NBAS: variants seen among roughly 807,000 people sequenced by gnomAD.
NBAS encodes the protein NAG/BC035112 fusion.
A neutral mutation model predicts 302.5 loss-of-function variants in NBAS; 219 were observed. The observed-to-expected ratio is 0.72, with a 90% CI of 0.65 to 0.81. The LOEUF (loss-of-function observed/expected upper bound fraction) is 0.81. Ranked by LOEUF, NBAS falls within the 30% of genes least tolerant of loss-of-function variation. The pLI is 0.00. For synonymous variants in NBAS, 1,118 were observed against 1,021.6 expected (o/e 1.09, Z -1.80); for missense variants, 2,932 against 2,841.6 (o/e 1.03, Z -0.72).
At chr2:14,986,416 C>T in the NBAS span, among the ~76,000 whole-genome samples, 1 of 152,068 alleles carries the variant, frequency 6.6e-6, no homozygotes, top group Non-Finnish European at 1.5e-5. Flanking sequence ...ACACTGAACC[C>T]TTCTCCCCTA....
At chr2:15,387,659 T>C (rs1423793850) in intron 28 of NBAS, among the ~76,000 whole-genome samples, 1 of 151,482 alleles carries the variant, frequency 6.6e-6, no homozygotes, top group Admixed American at 6.6e-5. Flanking sequence ...TAAGACAGTG[T>C]CTTACTCTGT....
chr2:15,528,922 C>CTGTGT, intron 9 of NBAS, among the ~76,000 whole-genome samples: 1 of 69,472 alleles, frequency 1.4e-5, no homozygotes, highest in Admixed American at 1.5e-4. Context: ...TATACACACA[C>CTGTGT]ACATATATAT....
the NBAS span, among the ~76,000 whole-genome samples, chr2:14,950,669 G>T: frequency 6.6e-6 from 1 of 152,188 alleles, no homozygotes; most frequent in Non-Finnish European, 1.5e-5. Flanking sequence ...CAAGATGATG[G>T]TAAGTAGAAG....
intron 44 of NBAS, among the ~76,000 whole-genome samples, chr2:15,261,833 AT>A (rs567179310): frequency 1.1e-4 from 16 of 152,350 alleles, no homozygotes; most frequent in African/African-American, 3.8e-4. Flanking sequence ...CACATTTTCC[AT>A]TTAGAAATCT....
At chr2:15,319,489 A>G (rs1671689369) in intron 38 of NBAS, among the ~76,000 whole-genome samples, 1 of 152,206 alleles carries the variant, frequency 6.6e-6, no homozygotes, top group Non-Finnish European at 1.5e-5. Flanking sequence ...AACAAAATTG[A>G]TAAACCACTA....
chr2:15,079,667 T>G, the NBAS span, among the ~76,000 whole-genome samples: 1 of 152,212 alleles, frequency 6.6e-6, no homozygotes, highest in African/African-American at 2.4e-5. Context: ...TTATCTGATC[T>G]GTCCAACCCA....
At chr2:15,541,098 A>C (rs2148692478) in intron 6 of NBAS, among the ~76,000 whole-genome samples, 1 of 152,248 alleles carries the variant, frequency 6.6e-6, no homozygotes, top group East Asian at 1.9e-4. Flanking sequence ...TTCCAGGTCT[A>C]GTTTGTTACC....
At chr2:15,477,324 C>T (rs1048076651) in intron 13 of NBAS, among the ~76,000 whole-genome samples, 3 of 152,068 alleles carry the variant, frequency 2.0e-5, no homozygotes, top group Admixed American at 6.5e-5. Context: ...TGCAGTCCCG[C>T]GATCTCGGCT....
At chr2:15,326,165 A>C (rs2148218406) in intron 38 of NBAS, among the ~76,000 whole-genome samples, 1 of 152,324 alleles carries the variant, frequency 6.6e-6, no homozygotes, top group Middle Eastern at 3.4e-3. Context: ...AATAACGAAA[A>C]AGTTTGAAAT....
At chr2:15,221,995 G>T (rs893943025) in intron 47 of NBAS, among the ~76,000 whole-genome samples, 1 of 152,242 alleles carries the variant, frequency 6.6e-6, no homozygotes, top group Non-Finnish European at 1.5e-5. Context: ...CAATAGAGCA[G>T]AGCCTCAGTT....
intron 44 of NBAS, among the ~76,000 whole-genome samples, chr2:15,274,227 C>T (rs1669464923): frequency 6.6e-6 from 1 of 152,220 alleles, no homozygotes; most frequent in South Asian, 2.1e-4. Context: ...TTATCCACAA[C>T]TACTAATCTA....
the NBAS span, among the ~76,000 whole-genome samples, chr2:15,160,205 G>A: frequency 7.2e-5 from 11 of 152,208 alleles, no homozygotes; most frequent in South Asian, 1.0e-3. Context: ...GTGGAGAGAC[G>A]AGAGGTAAGG....
the NBAS span, among the ~76,000 whole-genome samples, chr2:14,785,850 A>C: frequency 6.6e-6 from 1 of 152,162 alleles, no homozygotes; most frequent in Non-Finnish European, 1.5e-5. Flanking sequence ...TGAGTTAGGG[A>C]GGATTCCCTC....
chr2:15,431,149 AC>A (rs1443381964), intron 21 of NBAS, among the ~76,000 whole-genome samples: 1 of 152,098 alleles, frequency 6.6e-6, no homozygotes, highest in Non-Finnish European at 1.5e-5. Context: ...AATACAGACA[AC>A]CCAAAAAGGA....
chr2:14,910,379 T>C, the NBAS span, among the ~76,000 whole-genome samples: 1 of 152,170 alleles, frequency 6.6e-6, no homozygotes, highest in Non-Finnish European at 1.5e-5. Flanking sequence ...AATAAGGAGT[T>C]TGCACTACCC....
chr2:15,385,554 G>T (rs1675249975), intron 28 of NBAS, among the ~76,000 whole-genome samples: 1 of 152,114 alleles, frequency 6.6e-6, no homozygotes, highest in Admixed American at 6.5e-5. Context: ...AAACCAAGAG[G>T]TTTGCAAATT....
intron 11 of NBAS, among the ~76,000 whole-genome samples, chr2:15,491,939 CACTT>C (rs1270960276): frequency 6.6e-6 from 1 of 152,166 alleles, no homozygotes; most frequent in East Asian, 1.9e-4. Context: ...CCTCTACACT[CACTT>C]CTTTCTTTCC....
intron 9 of NBAS, among the ~76,000 whole-genome samples, chr2:15,529,466 C>T (rs1203396119): frequency 1.3e-5 from 2 of 151,866 alleles, no homozygotes; most frequent in Non-Finnish European, 1.5e-5. Context: ...GACTCCAGCG[C>T]GGGTGACAGA....
At chr2:15,162,126 T>A (rs1663913516), downstream of NBAS, among the ~76,000 whole-genome samples, 1 of 151,910 alleles carries the variant, frequency 6.6e-6, no homozygotes, top group South Asian at 2.1e-4. Flanking sequence ...AAAGTCGTAT[T>A]AGCCAGGCCA....
Sources: allele counts gnomAD v4.1 joint callset (sites outside exome capture counted in the v4.1 genomes callset), GRCh38; gene constraint gnomAD v4.1.1; transcripts MANE v1.5; gene names NCBI Gene and HGNC (gene_info 2026-07-23, HGNC 2026-07-21).